Variants in ITGA1 observed in about 807,000 individuals in gnomAD.
ITGA1 encodes the protein integrin alpha-1.
A neutral mutation model predicts 145.9 loss-of-function variants in ITGA1; 85 were observed. That is an observed-to-expected ratio of 0.58 (90% CI 0.49 to 0.70). The LOEUF (loss-of-function observed/expected upper bound fraction) is 0.70. ITGA1 is among the 30% of genes least tolerant of loss of function. The pLI is 0.00. For missense variants in ITGA1, 1,351 were observed against 1,418.7 expected (o/e 0.95, Z 0.77); for synonymous variants, 520 against 495.3 (o/e 1.05, Z -0.66).
At chr5:52,818,748 C>T (rs557553059) in intron 1 of ITGA1, among the ~76,000 whole-genome samples, 1 of 152,172 alleles carries the variant, frequency 6.6e-6, no homozygotes, top group African/African-American at 2.4e-5. Flanking sequence ...AAGCATCCAG[C>T]ACCAACACAT....
At chr5:52,883,953 G>T (rs1171081318) in intron 7 of ITGA1, among the ~76,000 whole-genome samples, 2 of 152,076 alleles carry the variant, frequency 1.3e-5, no homozygotes, top group East Asian at 1.9e-4. Context: ...TTTATGAAAG[G>T]CCTTTTAATC....
chr5:52,935,874 C>T (rs191297079), intron 23 of ITGA1, among the ~76,000 whole-genome samples: 317 of 147,736 alleles, frequency 2.1e-3, no homozygotes, highest in Non-Finnish European at 3.4e-3. Context: ...GTATAGGAAA[C>T]GTTTATTTTC....
At position 52,918,764 on chromosome 5, in the gene ITGA1, T is replaced by C. The variant is rs561483070; in HGVS notation, c.2021T>C (p.Met674Thr). Reference protein sequence around the residue: ...SRDVAVVKVTMNFEPNKVNIQ... With the variant: ...SRDVAVVKVTTNFEPNKVNIQ... ...GATGTGGCCGTAGTTAAAGTGACCA[T>C]GAATTTTGAGCCAAATAAAGTGAAT... The change falls in exon 16 of 29, where the codon ATG becomes ACG. Residue 674 changes from methionine to threonine, a missense_variant. Physicochemically the swap from Met to Thr is moderately conservative, Grantham distance 81. Transcript: ENST00000282588. 6 of 1,611,920 alleles carry C rather than the reference T, an allele frequency of 3.7e-6. No homozygotes were observed. The South Asian group carries it at 6.6e-5, about 18-fold the overall frequency.
intron 1 of ITGA1, chr5:52,800,711 C>A (rs1177810041): frequency 6.2e-7 from 1 of 1,614,174 alleles, no homozygotes; most frequent in Non-Finnish European, 8.5e-7. Context: ...GAGCTGGAGC[C>A]CAACCGCCAG....
intron 1 of ITGA1, among the ~76,000 whole-genome samples, chr5:52,793,110 A>G (rs189314019): frequency 7.1e-4 from 108 of 152,120 alleles, no homozygotes; most frequent in African/African-American, 2.6e-3. Context: ...ATTGGACCCT[A>G]CCTTAGGACA....
At chr5:52,835,262 T>G (rs1322136616) in intron 1 of ITGA1, among the ~76,000 whole-genome samples, 4 of 152,180 alleles carry the variant, frequency 2.6e-5, no homozygotes, top group Admixed American at 2.0e-4. Context: ...AAGTTCTTAT[T>G]TTTAAGTACT....
At chr5:52,819,616 T>C (rs1375323464) in intron 1 of ITGA1, among the ~76,000 whole-genome samples, 1 of 152,236 alleles carries the variant, frequency 6.6e-6, no homozygotes, top group Non-Finnish European at 1.5e-5. Flanking sequence ...ACTCTGATGG[T>C]AGTTTCTTTT....
At chr5:52,891,435 A>C (rs1750146591) in intron 8 of ITGA1, among the ~76,000 whole-genome samples, 1 of 151,546 alleles carries the variant, frequency 6.6e-6, no homozygotes. Flanking sequence ...TATTTTGTGT[A>C]CTGGGGATTC....
At chr5:52,948,686 T>G (rs2111912479) in intron 28 of ITGA1, 1 of 152,384 alleles carries the variant, frequency 6.6e-6, no homozygotes, top group East Asian at 1.9e-4. Context: ...CACACTGTGG[T>G]ACCCAAGGCC....
chr5:52,889,608 A>G (rs13154530), intron 8 of ITGA1: 70,402 of 151,326 alleles, frequency 0.47, 16,671 homozygotes, highest in Middle Eastern at 0.57. Flanking sequence ...AGCTACTCAG[A>G]TGGGTAGGGG....
At chr5:52,946,711 A>T (rs1288851222) in intron 27 of ITGA1, among the ~76,000 whole-genome samples, 1 of 152,156 alleles carries the variant, frequency 6.6e-6, no homozygotes, top group African/African-American at 2.4e-5. Flanking sequence ...GAGTAGCTGG[A>T]ACACTAAAAG....
intron 6 of ITGA1, among the ~76,000 whole-genome samples, chr5:52,872,192 T>G (rs1181432323): frequency 6.6e-6 from 1 of 152,312 alleles, no homozygotes; most frequent in African/African-American, 2.4e-5. Flanking sequence ...TTACTGCTGA[T>G]TTTATGGCCA....
Position 52,881,995 on chromosome 5 carries a change from G to T in ITGA1, c.747G>T (p.Met249Ile). 1 of 1,612,780 alleles carries T rather than the reference G, an allele frequency of 6.2e-7. No homozygotes were observed. Among genetic ancestry groups the T allele is most frequent in the Non-Finnish European group, 8.5e-7 (1 of 1,179,402 alleles). The change falls in exon 7 of 29, where the codon ATG becomes ATT. Residue 249 changes from methionine (M) to isoleucine (I), a missense_variant. Physicochemically the swap from Met to Ile is conservative, Grantham distance 10. Coordinates refer to ENST00000282588, the MANE Select transcript of ITGA1 (RefSeq NM_181501.2). ...TCCAGAGAGGTGGCCGCCAGACTAT[G>T]ACAGCTCTTGGAATAGACACAGCAA... ...KIVQRGGRQT[M>I]TALGIDTARK...
At chr5:52,920,524 T>C in intron 17 of ITGA1, 56 bp downstream of exon 17, 1 of 1,333,740 alleles carries the variant, frequency 7.5e-7, no homozygotes, top group Non-Finnish European at 1.0e-6. Flanking sequence ...ACAGTAGAGA[T>C]GTCTTATTTC....
At chr5:52,798,982 G>A (rs1332428760) in intron 1 of ITGA1, among the ~76,000 whole-genome samples, 1 of 152,058 alleles carries the variant, frequency 6.6e-6, no homozygotes, top group Non-Finnish European at 1.5e-5. Flanking sequence ...TGAGTTTGGG[G>A]ATCCGAGATT....
intron 26 of ITGA1, among the ~76,000 whole-genome samples, chr5:52,944,142 G>A (rs13179969): frequency 0.18 from 26,755 of 152,100 alleles, 2,646 homozygotes; most frequent in Middle Eastern, 0.26. Context: ...AGTCCGAGGG[G>A]ATGGGCACCT....
In ITGA1 at chr5:52,910,148, T is replaced by A; in HGVS notation, c.1600-14T>A. 1 of 1,597,364 alleles carries A rather than the reference T, an allele frequency of 6.3e-7. No homozygotes were observed. Among genetic ancestry groups the A allele is most frequent in the Non-Finnish European group, 8.6e-7 (1 of 1,167,018 alleles). ...GATGGAAATACATAAATATCCTGTT[T>A]ATCTTTCTTCCAGACAAGGTTTGAA... is the stretch of plus-strand genomic sequence containing the variant. On this transcript the variant is annotated splice_polypyrimidine_tract_variant and intron_variant, in intron 13 of 28. Coordinates refer to ENST00000282588, the MANE Select transcript of ITGA1 (RefSeq NM_181501.2).
In ITGA1 at chr5:52,939,851, A is replaced by G. The variant is rs1305397540; in HGVS notation, c.3192A>G (p.Thr1064=). The stretch of plus-strand genomic sequence containing the variant: ...GGACATTTAAACAGGACTGCAATAC[A>G]TGTAAATTTGCTACCATCACATGTA... ...LKRGTILDCN[T]CKFATITCNL... Residue 1064 remains threonine, a synonymous_variant, in exon 26 of 29, where the codon ACA becomes ACG. Transcript: ENST00000282588. 6.2e-7 allele frequency: 1 copy of G among 1,605,818 alleles called. No homozygotes were observed. Among genetic ancestry groups the G allele is most frequent in the Admixed American group, 1.7e-5 (1 of 60,014 alleles).
chr5:52,803,132 C>G (rs1277447148), intron 1 of ITGA1: 1 of 152,184 alleles, frequency 6.6e-6, no homozygotes, highest in Admixed American at 6.5e-5. Context: ...GCCGGTCTTT[C>G]CTGTGTCTGT....
Sources: allele counts gnomAD v4.1 joint callset (sites outside exome capture counted in the v4.1 genomes callset), GRCh38; gene constraint gnomAD v4.1.1; transcripts MANE v1.5; gene names NCBI Gene and HGNC (gene_info 2026-07-23, HGNC 2026-07-21).